DIXDC1: variants seen among roughly 807,000 people sequenced by gnomAD.
DIXDC1 encodes dixin.
A neutral mutation model predicts 103.1 loss-of-function variants in DIXDC1; 64 were observed. The ratio of observed to expected loss-of-function variants is 0.62; its 90% confidence interval spans 0.51 to 0.76. The LOEUF (loss-of-function observed/expected upper bound fraction) is 0.76. Among genes scored for constraint, DIXDC1 ranks in the 30% least tolerant of loss-of-function variants. DIXDC1 has a pLI of 0.00. For missense variants in DIXDC1, 759 were observed against 834.2 expected, an observed-to-expected ratio of 0.91 and a Z score of 1.11; for synonymous variants, 266 against 298.5, an observed-to-expected ratio of 0.89 and a Z score of 1.12.
intron 1 of DIXDC1, chr11:111,946,741 C>T (rs933860548): frequency 2.1e-6 from 1 of 467,952 alleles, no homozygotes; most frequent in Non-Finnish European, 4.3e-6. Flanking sequence ...TTGAAGTCGG[C>T]CTGGGCACAC....
intron 1 of DIXDC1, among the ~76,000 whole-genome samples, chr11:111,948,418 C>T (rs1966670360): frequency 6.6e-6 from 1 of 152,200 alleles, no homozygotes; most frequent in African/African-American, 2.4e-5. Flanking sequence ...TCACTTCAAG[C>T]ACTTTCAACA....
In DIXDC1 at chr11:111,996,044, G is replaced by C. The variant is rs149655700; in HGVS notation, c.1690-36G>C. 541 of 1,604,700 alleles carry C rather than the reference G, an allele frequency of 3.4e-4. 3 individuals are homozygous for C. The African/African-American group carries it at 6.3e-3, about 19-fold the overall frequency. On this transcript the variant is annotated intron_variant, in intron 16 of 19. Coordinates refer to ENST00000440460, the MANE Select transcript of DIXDC1 (RefSeq NM_001037954.4). ...AATTTCTTGGTTAAGTTCTCTCATT[G>C]ATCATAACTCTTGTGATTTTTGTGT...
At chr11:112,000,748 T>G (rs1861040907) in intron 17 of DIXDC1, among the ~76,000 whole-genome samples, 1 of 150,178 alleles carries the variant, frequency 6.7e-6, no homozygotes, top group Non-Finnish European at 1.5e-5. Context: ...AAATCATTAG[T>G]CATTAGGGGA....
At chr11:111,972,277 T>C (rs1319413075) in intron 3 of DIXDC1, among the ~76,000 whole-genome samples, 1 of 152,242 alleles carries the variant, frequency 6.6e-6, no homozygotes, top group Admixed American at 6.5e-5. Context: ...TACATTCCTC[T>C]TTTATTTCTA....
chr11:111,974,114 AGGACGG>A lies in DIXDC1; in HGVS notation c.410_415del (p.Gly137_Arg138del). On this transcript the variant is annotated inframe_deletion, in exon 4 of 20. Coordinates refer to ENST00000440460, the MANE Select transcript of DIXDC1 (RefSeq NM_001037954.4). ...CTGGCTCCAGCAGGACGGTGAACCA[AGGACGG>A]GACTCCAGAGCCCCTCTGCAAAGTC... is the stretch of plus-strand genomic sequence containing the variant. 6.2e-7 allele frequency: 1 copy of A among 1,614,034 alleles called. No individual in the cohort carries two copies. Among genetic ancestry groups the A allele is most frequent in the Non-Finnish European group, 8.5e-7 (1 of 1,179,906 alleles).
intron 12 of DIXDC1, 89 bp from the exon 13 acceptor site, chr11:111,993,407 T>G (rs1860771236): frequency 7.0e-7 from 1 of 1,431,668 alleles, no homozygotes; most frequent in Non-Finnish European, 9.8e-7. Flanking sequence ...GAGGCTCTAC[T>G]TTACTTGAGT....
At position 111,937,867 on chromosome 11, in the gene DIXDC1, C is replaced by G. The variant is rs141174901; in HGVS notation, c.60+308C>G. Among the ~76,000 whole-genome samples, 467 of 152,330 alleles carry G rather than the reference C, an allele frequency of 3.1e-3. 4 individuals carry two copies. Among genetic ancestry groups the G allele is most frequent in the African/African-American group, 0.01 (422 of 41,566 alleles). On this transcript the variant is annotated intron_variant, in intron 1 of 19. Transcript: ENST00000440460. ...GAGGGGGTCTCCATCCTCCCTAGAG[C>G]TTCTCTCTCCAAGGAAATCCTCAGG...
intron 17 of DIXDC1, among the ~76,000 whole-genome samples, chr11:112,006,871 GAA>G (rs1592625271): frequency 6.6e-6 from 1 of 152,212 alleles, no homozygotes; most frequent in East Asian, 1.9e-4. Flanking sequence ...CAGAAAAGCT[GAA>G]GATTCTAAAA....
At chr11:111,941,778 A>G (rs1966423044) in intron 1 of DIXDC1, among the ~76,000 whole-genome samples, 1 of 151,594 alleles carries the variant, frequency 6.6e-6, no homozygotes, top group South Asian at 2.1e-4. Context: ...TGTTCCTGCT[A>G]CTGTTCTCCA....
chr11:111,974,505 TA>T, intron 4 of DIXDC1: 1 of 523,802 alleles, frequency 1.9e-6, no homozygotes, highest in East Asian at 3.5e-5. Flanking sequence ...GCCCAAAATT[TA>T]AATATACACT....
At chr11:111,932,187 C>T (rs145338496) in intron 2 of DIXDC1, among the ~76,000 whole-genome samples, 56 of 151,760 alleles carry the variant, frequency 3.7e-4, no homozygotes, top group African/African-American at 1.2e-3. Flanking sequence ...TAGGACACCA[C>T]GCCTGGCTAA....
chr11:112,011,637 G>C (rs1201283065), intron 17 of DIXDC1, among the ~76,000 whole-genome samples: 1 of 152,216 alleles, frequency 6.6e-6, no homozygotes, highest in East Asian at 1.9e-4. Flanking sequence ...AAAAGGATGA[G>C]TTCATGTCCT....
At chr11:111,930,707 C>T (rs1312248714) in intron 2 of DIXDC1, among the ~76,000 whole-genome samples, 1 of 152,090 alleles carries the variant, frequency 6.6e-6, no homozygotes, top group Non-Finnish European at 1.5e-5. Flanking sequence ...TTATTTAGGA[C>T]TATGTCAGGC....
In DIXDC1 at chr11:111,954,282, C is replaced by T. The variant is rs1448603479; in HGVS notation, c.61-10267C>T. Among the ~76,000 whole-genome samples, 4 of 152,190 alleles carry T rather than the reference C, an allele frequency of 2.6e-5. No homozygotes were observed. In the South Asian group the frequency reaches 6.2e-4, roughly 24 times the overall value. ...CATAAGGAGGGTGCAACCTAGATTC[C>T]TCACATGCACAGTTCACAATAGGGT... On this transcript the variant is annotated intron_variant, in intron 1 of 19. Transcript: ENST00000440460.
At chr11:111,961,006 G>A (rs1481336878) in intron 1 of DIXDC1, among the ~76,000 whole-genome samples, 1 of 152,202 alleles carries the variant, frequency 6.6e-6, no homozygotes, top group Non-Finnish European at 1.5e-5. Context: ...TTGACGTGCA[G>A]CCAGGTATGG....
chr11:111,979,714 A>T (rs1860235095), intron 5 of DIXDC1, among the ~76,000 whole-genome samples: 1 of 152,220 alleles, frequency 6.6e-6, no homozygotes, highest in Non-Finnish European at 1.5e-5. Flanking sequence ...TAATCCCAGT[A>T]CAGAGGCTGA....
At chr11:111,966,397 ATT>A (rs1221666046) in intron 2 of DIXDC1, among the ~76,000 whole-genome samples, 2 of 58,646 alleles carry the variant, frequency 3.4e-5, no homozygotes, top group East Asian at 4.4e-4. Context: ...TAATTTTTGT[ATT>A]TTTTTTTTTT....
intron 10 of DIXDC1, among the ~76,000 whole-genome samples, chr11:111,991,880 A>G (rs1779155083): frequency 6.6e-6 from 1 of 152,210 alleles, no homozygotes; most frequent in South Asian, 2.1e-4. Context: ...GGATTCTTTA[A>G]CAACAGAGTG....
chr11:111,982,263 C>CGCT (rs1860332034), intron 6 of DIXDC1, 76 bp from the exon 7 acceptor site: 2 of 1,518,568 alleles, frequency 1.3e-6, no homozygotes, highest in Non-Finnish European at 8.9e-7. Flanking sequence ...AACCTGTGAA[C>CGCT]GCTACCCTGT....
Sources: allele counts gnomAD v4.1 joint callset (sites outside exome capture counted in the v4.1 genomes callset), GRCh38; gene constraint gnomAD v4.1.1; transcripts MANE v1.5; gene names NCBI Gene and HGNC (gene_info 2026-07-23, HGNC 2026-07-21).